KANSL3: variants seen among roughly 807,000 people sequenced by gnomAD.
The protein encoded by KANSL3 is NSL complex protein NSL3.
Under a neutral mutation model 89.2 loss-of-function variants are expected in KANSL3, and 16 were observed. That is an observed-to-expected ratio of 0.18 (90% CI 0.12 to 0.27). The LOEUF is 0.27. KANSL3 is among the 10% of genes least tolerant of loss of function. KANSL3 has a pLI of 1.00. For missense variants in KANSL3, 879 were observed against 1,110.6 expected, an observed-to-expected ratio of 0.79 and a Z score of 2.96; for synonymous variants, 385 against 419.7, an observed-to-expected ratio of 0.92 and a Z score of 1.01.
At chr2:96,613,137 G>A (rs1440264116) in intron 6 of KANSL3, among the ~76,000 whole-genome samples, 1 of 152,210 alleles carries the variant, frequency 6.6e-6, no homozygotes, top group African/African-American at 2.4e-5. Context: ...CCAGCACTTT[G>A]GGAGGCCAAG....
In KANSL3 at chr2:96,604,863, G is replaced by A. The variant is rs548089592; in HGVS notation, c.1934C>T (p.Ala645Val). The A allele has an allele frequency of 3.8e-5, 60 of 1,588,952 alleles. No individual in the cohort carries two copies. Among genetic ancestry groups the A allele is most frequent in the Admixed American group, 2.8e-4 (16 of 56,226 alleles). ...CAPSQGSAPEAAGGKPITMTL... is the reference protein window; with the variant it reads ...CAPSQGSAPEVAGGKPITMTL... Reference sequence around the variant, plus strand: ...CATGGTGATGGGCTTCCCACCTGCAGCTTCAAAACAGAAAACCCCAAGGCC... The same window carrying A: ...CATGGTGATGGGCTTCCCACCTGCAACTTCAAAACAGAAAACCCCAAGGCC... Residue 645 changes from alanine to valine, a missense_variant and splice_region_variant, in exon 16 of 21, where the codon GCT becomes GTT. By Grantham distance (64) the Ala-to-Val change is moderately conservative. Transcript: ENST00000431828.
intron 2 of KANSL3, among the ~76,000 whole-genome samples, chr2:96,632,751 C>T (rs1351138877): frequency 4.6e-5 from 7 of 151,876 alleles, no homozygotes; most frequent in South Asian, 4.1e-4. Flanking sequence ...AGGTGGATCA[C>T]GAGGTCAGAT....
chr2:96,599,699 A>T, intron 20 of KANSL3: 1 of 619,232 alleles, frequency 1.6e-6, no homozygotes, highest in Non-Finnish European at 2.0e-6. Flanking sequence ...TAAAGATTTA[A>T]CATCTGAATA....
At chr2:96,589,775 C>A (rs1011490505), downstream of KANSL3, among the ~76,000 whole-genome samples, 1 of 152,048 alleles carries the variant, frequency 6.6e-6, no homozygotes, top group Admixed American at 6.6e-5. Flanking sequence ...CAAGATAGAT[C>A]ACCCCTGGGC....
chr2:96,604,453 C>G, intron 16 of KANSL3, 73 bp from the exon 17 acceptor site: 1 of 1,530,742 alleles, frequency 6.5e-7, no homozygotes, highest in Non-Finnish European at 8.8e-7. Flanking sequence ...TGGCAGGGTA[C>G]AGAGTGGGGC....
At chr2:96,603,975 A>G (rs973894921) in intron 17 of KANSL3, 5 of 302,592 alleles carry the variant, frequency 1.7e-5, no homozygotes, top group African/African-American at 4.3e-5. Flanking sequence ...TATATGTCCT[A>G]TCGGCTATTT....
At chr2:96,609,141 A>G in intron 12 of KANSL3, 77 bp from the exon 13 acceptor site, 1 of 1,293,162 alleles carries the variant, frequency 7.7e-7, no homozygotes, top group Non-Finnish European at 1.1e-6. Flanking sequence ...CTTTCCAACT[A>G]AAACAGATTC....
chr2:96,590,423 G>A (rs893906143), downstream of KANSL3, among the ~76,000 whole-genome samples: 1 of 151,820 alleles, frequency 6.6e-6, no homozygotes, highest in South Asian at 2.1e-4. Context: ...TTCCCAAGTA[G>A]CCGGGACTAC....
chr2:96,581,637 T>C, the KANSL3 span, among the ~76,000 whole-genome samples: 1 of 152,212 alleles, frequency 6.6e-6, no homozygotes, highest in African/African-American at 2.4e-5. Flanking sequence ...CTACAGACTA[T>C]ATTTTCTTTG....
At chr2:96,620,937 G>C (rs1255193464) in intron 3 of KANSL3, among the ~76,000 whole-genome samples, 1 of 152,110 alleles carries the variant, frequency 6.6e-6, no homozygotes, top group Non-Finnish European at 1.5e-5. Context: ...AGGAGGTTGA[G>C]GCTGCAGTGA....
chr2:96,602,310 A>G lies in KANSL3; in HGVS notation c.2288T>C (p.Met763Thr). The G allele has an allele frequency of 6.2e-6, 10 of 1,611,200 alleles. No homozygotes were observed. Among genetic ancestry groups the G allele is most frequent in the Non-Finnish European group, 8.5e-6 (10 of 1,178,904 alleles). The change falls in exon 19 of 21, where the codon ATG (methionine) becomes ACG (threonine). Residue 763 changes from methionine (M) to threonine (T), a missense_variant. This residue lies in a region of KANSL3 where 89 missense variants were observed against 139.7 expected (regional missense o/e 0.64). Transcript: ENST00000431828. ...CGTGGTGATGGCACCCAGGCTCTGCATGGGGGTGGGCAACTTCACACTGGT... is the reference window on the plus strand; with the variant it reads ...CGTGGTGATGGCACCCAGGCTCTGCGTGGGGGTGGGCAACTTCACACTGGT... ...QATSVKLPTP[M>T]QSLGAITTGT...
chr2:96,629,376 G>T (rs2072978417), intron 3 of KANSL3, among the ~76,000 whole-genome samples: 1 of 152,154 alleles, frequency 6.6e-6, no homozygotes, highest in African/African-American at 2.4e-5. Flanking sequence ...AGACTGGAGT[G>T]CAATGGCACG....
At chr2:96,587,476 G>C in the KANSL3 span, among the ~76,000 whole-genome samples, 1 of 152,198 alleles carries the variant, frequency 6.6e-6, no homozygotes, top group East Asian at 1.9e-4. Context: ...TGAAAGCCAA[G>C]TGGGGATCCT....
rs1456818593 is a variant in KANSL3 at position 96,605,734 on chromosome 2, C to T, written c.1742-223G>A. ...ACTTTGCCCTTCTTAGAGGATGGCA[C>T]CCTTCTCATCCCTCATCCTGCACTG... On this transcript the variant is annotated intron_variant, in intron 14 of 20. Coordinates refer to ENST00000431828, the MANE Select transcript of KANSL3 (RefSeq NM_001115016.3). 6 of 355,790 alleles carry T rather than the reference C, an allele frequency of 1.7e-5. No homozygotes were observed. The East Asian group carries it at 2.8e-4, about 17-fold the overall frequency. The allele number at this position is 355,790 out of a possible 1,614,324, so 22.0% of individuals were successfully genotyped here. A position where few individuals can be genotyped will look rare whatever the true frequency, so the allele number is the denominator to read the frequency against.
chr2:96,601,936 G>C (rs957316213), intron 19 of KANSL3, 160 bp from the exon 20 acceptor site: 16 of 1,268,174 alleles, frequency 1.3e-5, no homozygotes, highest in Non-Finnish European at 1.6e-5. Flanking sequence ...AAGGCAACAG[G>C]AAACAGCCTG....
intron 20 of KANSL3, chr2:96,600,771 A>G: frequency 1.0e-6 from 1 of 985,438 alleles, no homozygotes; most frequent in South Asian, 4.7e-5. Context: ...AGATCAGCTA[A>G]GAGAAACTAA....
At chr2:96,601,908 C>T (rs1393981559) in intron 19 of KANSL3, 132 bp from the exon 20 acceptor site, 3 of 1,355,674 alleles carry the variant, frequency 2.2e-6, no homozygotes, top group Non-Finnish European at 2.9e-6. Context: ...GTCATCTATG[C>T]CCTATCAGTC....
intron 5 of KANSL3, chr2:96,615,078 G>C (rs1256438032): frequency 6.9e-6 from 1 of 144,946 alleles, no homozygotes; most frequent in Non-Finnish European, 1.5e-5. Context: ...TGAGACACGA[G>C]AATCGCTTGA....
At chr2:96,632,808 T>A (rs2073631165) in intron 2 of KANSL3, among the ~76,000 whole-genome samples, 1 of 151,524 alleles carries the variant, frequency 6.6e-6, no homozygotes, top group South Asian at 2.1e-4. Context: ...CTACTAAAAA[T>A]ACAAAAATTT....
Sources: gnomAD v4.1 joint callset for allele counts (sites outside exome capture counted in the v4.1 genomes callset) on GRCh38, gnomAD v4.1.1 for gene constraint, gnomAD v4.1.1 regional missense constraint, MANE v1.5 for transcripts, NCBI Gene and HGNC (gene_info 2026-07-23, HGNC 2026-07-21) for gene names.